The following PHACTR1 variants were observed in gnomAD, a reference collection of about 807,000 sequenced individuals.
PHACTR1 encodes the protein phosphatase and actin regulator 1.
PHACTR1 carries 16 observed loss-of-function variants against 69.2 expected under a neutral mutation model. The observed-to-expected ratio is 0.23, with a 90% CI of 0.16 to 0.35. The LOEUF (loss-of-function observed/expected upper bound fraction) is 0.35, where lower values mean the gene tolerates loss of function less well. Ranked by LOEUF, PHACTR1 falls within the 10% of genes least tolerant of loss-of-function variation. The pLI, the probability that PHACTR1 is intolerant of heterozygous loss-of-function variation, is 1.00. For synonymous variants in PHACTR1, 312 were observed against 284.5 expected, an observed-to-expected ratio of 1.10 and a Z score of -0.97; for missense variants, 510 against 734.7, an observed-to-expected ratio of 0.69 and a Z score of 3.54.
chr6:13,105,299 T>G (rs527629545), intron 5 of PHACTR1, among the ~76,000 whole-genome samples: 29 of 152,082 alleles, frequency 1.9e-4, no homozygotes, highest in Non-Finnish European at 3.8e-4. Flanking sequence ...GGATCACTTG[T>G]GCCCAGAGGG....
intron 4 of PHACTR1, chr6:12,934,107 C>A: frequency 2.2e-6 from 2 of 906,514 alleles, no homozygotes; most frequent in South Asian, 1.9e-5. Flanking sequence ...CTTCTTGTGT[C>A]TTCCAGCTTC....
rs374872694 is a variant in PHACTR1, at chr6:12,916,322, C to T, written c.251-137043C>T. 1.5e-4 allele frequency among the ~76,000 whole-genome samples: 23 copies of T among 152,274 alleles called. No homozygotes were observed. In the East Asian group the frequency reaches 3.7e-3, roughly 24 times the overall value. On this transcript the variant is annotated intron_variant, in intron 4 of 14. Transcript: ENST00000332995. Reference sequence around the variant, plus strand: ...ACAGCTCTACTTCAAACCAACTCACCGCCCTTGTGTGGAATACCCTTCCTT... The same window carrying T: ...ACAGCTCTACTTCAAACCAACTCACTGCCCTTGTGTGGAATACCCTTCCTT...
chr6:12,874,598 C>T (rs1782362794), intron 4 of PHACTR1, among the ~76,000 whole-genome samples: 4 of 152,156 alleles, frequency 2.6e-5, no homozygotes, highest in Admixed American at 2.6e-4. Flanking sequence ...CCCACAAGTT[C>T]CTCATCCCCA....
At chr6:13,107,086 T>C (rs933201424) in intron 5 of PHACTR1, among the ~76,000 whole-genome samples, 7 of 150,532 alleles carry the variant, frequency 4.7e-5, no homozygotes, top group African/African-American at 7.3e-5. Flanking sequence ...AGATGTTTCC[T>C]TCTCTCTCTC....
intron 4 of PHACTR1, among the ~76,000 whole-genome samples, chr6:12,926,540 C>T (rs1463847106): frequency 1.3e-5 from 2 of 152,204 alleles, no homozygotes; most frequent in Non-Finnish European, 2.9e-5. Flanking sequence ...ACGGTCCAGG[C>T]TCCACCTGCT....
At chr6:13,185,617 G>A (rs758328999) in intron 7 of PHACTR1, among the ~76,000 whole-genome samples, 1 of 152,192 alleles carries the variant, frequency 6.6e-6, no homozygotes, top group African/African-American at 2.4e-5. Context: ...GCATTAAATT[G>A]AGCACTCAGT....
At chr6:12,730,992 T>TTATG (rs915434607) in intron 3 of PHACTR1, among the ~76,000 whole-genome samples, 9 of 142,138 alleles carry the variant, frequency 6.3e-5, no homozygotes, top group Non-Finnish European at 3.0e-5. Flanking sequence ...CCTTTTTTAT[T>TTATG]TATTTATTTA....
At chr6:12,853,033 C>A (rs34448141) in intron 4 of PHACTR1, among the ~76,000 whole-genome samples, 1 of 152,162 alleles carries the variant, frequency 6.6e-6, no homozygotes, top group Non-Finnish European at 1.5e-5. Context: ...CTATGAGAAC[C>A]TTTGCTATCT....
At chr6:13,267,637 T>C (rs905708006) in intron 10 of PHACTR1, 10 of 152,154 alleles carry the variant, frequency 6.6e-5, no homozygotes, top group African/African-American at 2.2e-4. Flanking sequence ...GATCCAGTTT[T>C]ACCTTGCACA....
At chr6:13,081,149 G>A (rs565329552) in intron 5 of PHACTR1, among the ~76,000 whole-genome samples, 1 of 152,176 alleles carries the variant, frequency 6.6e-6, no homozygotes, top group South Asian at 2.1e-4. Flanking sequence ...TAAAACAGTG[G>A]GTTATAGTAG....
chr6:12,915,520 A>C (rs1263782514), intron 4 of PHACTR1, among the ~76,000 whole-genome samples: 1 of 146,174 alleles, frequency 6.8e-6, no homozygotes, highest in Non-Finnish European at 1.5e-5. Context: ...AAAAAAAAAA[A>C]GAAAAAAAAA....
At chr6:12,947,465 GA>G (rs1473592947) in intron 4 of PHACTR1, among the ~76,000 whole-genome samples, 1 of 151,882 alleles carries the variant, frequency 6.6e-6, no homozygotes, top group African/African-American at 2.4e-5. Context: ...AAAAACATCT[GA>G]AAAAACAACA....
intron 4 of PHACTR1, among the ~76,000 whole-genome samples, chr6:12,854,126 A>ATGG (rs1780097916): frequency 1.3e-5 from 2 of 152,106 alleles, no homozygotes; most frequent in Admixed American, 6.5e-5. Flanking sequence ...GCCATGAAAA[A>ATGG]CCTTCAATGT....
intron 6 of PHACTR1, among the ~76,000 whole-genome samples, 190 bp from the exon 7 acceptor site, chr6:13,182,329 T>G (rs1762281873): frequency 6.6e-6 from 1 of 152,140 alleles, no homozygotes; most frequent in Non-Finnish European, 1.5e-5. Context: ...CATTGGAAAT[T>G]TTTGCCCTGA....
At chr6:13,065,340 A>T (rs2127762043) in intron 5 of PHACTR1, among the ~76,000 whole-genome samples, 1 of 152,106 alleles carries the variant, frequency 6.6e-6, no homozygotes, top group East Asian at 1.9e-4. Context: ...GAGAAGACAG[A>T]TGGCCCACTG....
At chr6:12,976,191 C>T (rs1794860499) in intron 4 of PHACTR1, among the ~76,000 whole-genome samples, 1 of 152,154 alleles carries the variant, frequency 6.6e-6, no homozygotes. Flanking sequence ...AACAAGAGAG[C>T]AGGATTGCCG....
chr6:13,253,892 C>T (rs1774835887), intron 10 of PHACTR1, among the ~76,000 whole-genome samples: 1 of 152,206 alleles, frequency 6.6e-6, no homozygotes, highest in Admixed American at 6.5e-5. Flanking sequence ...TGCCCAATGC[C>T]ATTTGATAAT....
intron 4 of PHACTR1, among the ~76,000 whole-genome samples, chr6:12,820,146 A>T (rs1180840122): frequency 6.6e-6 from 1 of 152,156 alleles, no homozygotes; most frequent in Non-Finnish European, 1.5e-5. Context: ...ATAAATATTG[A>T]GTATTCACTC....
intron 5 of PHACTR1, among the ~76,000 whole-genome samples, chr6:13,101,226 AG>A (rs1249590060): frequency 3.3e-5 from 5 of 152,248 alleles, no homozygotes; most frequent in Admixed American, 2.6e-4. Context: ...GAAAGGCCAA[AG>A]GGCAAGTAAG....
Sources: gnomAD v4.1 joint callset for allele counts (sites outside exome capture counted in the v4.1 genomes callset) on GRCh38, gnomAD v4.1.1 for gene constraint, MANE v1.5 for transcripts, NCBI Gene and HGNC (gene_info 2026-07-23, HGNC 2026-07-21) for gene names.